The following GDAP1 variants were observed in gnomAD, a reference collection of about 807,000 sequenced individuals.
GDAP1 encodes the protein ganglioside induced differentiation associated protein 1, also known as ganglioside-induced differentiation-associated protein 1.
GDAP1 carries 34 observed loss-of-function variants against 40.1 expected under a neutral mutation model. That is an observed-to-expected ratio of 0.85 (90% CI 0.64 to 1.13). GDAP1 has a LOEUF of 1.13. GDAP1 is among the 50% of genes most tolerant of loss of function. The probability of loss-of-function intolerance (pLI) is 0.00; values close to 1 mark genes in which losing one functional copy is unlikely to be tolerated. For synonymous variants in GDAP1, 170 were observed against 157.4 expected, an observed-to-expected ratio of 1.08 and a Z score of -0.60; for missense variants, 374 against 433.7, an observed-to-expected ratio of 0.86 and a Z score of 1.22.
In GDAP1 at chr8:74,364,358, T is replaced by TTATTTCTAGG. The variant is rs1476947689; in HGVS notation, c.1070_*2dup. 1.2e-6 allele frequency: 2 copies of TTATTTCTAGG among 1,613,532 alleles called. No individual in the cohort carries two copies. Among genetic ancestry groups the TTATTTCTAGG allele is most frequent in the East Asian group, 4.5e-5 (2 of 44,886 alleles). The stretch of plus-strand genomic sequence containing the variant: ...TATTAGCATTTAGACCCAGACCAAA[T>TTATTTCTAGG]TATTTCTAGGTTTGTTGGGATCTTG... On this transcript the variant is annotated stop_gained and frameshift_variant, in exon 6 of 6. Coordinates refer to ENST00000220822, the MANE Select transcript of GDAP1 (RefSeq NM_018972.4). LOFTEE classifies it high-confidence loss of function.
At chr8:74,356,307 A>G (rs911598759) in intron 2 of GDAP1, among the ~76,000 whole-genome samples, 13 of 152,286 alleles carry the variant, frequency 8.5e-5, no homozygotes, top group Middle Eastern at 6.8e-3. Flanking sequence ...CCCTCTTTCT[A>G]TATAATATGT....
At chr8:74,444,934 G>C (rs542011157) in intron 2 of GDAP1, among the ~76,000 whole-genome samples, 6 of 152,246 alleles carry the variant, frequency 3.9e-5, no homozygotes, top group African/African-American at 1.4e-4. Flanking sequence ...GCTATTTTTA[G>C]TCAAAGAAAA....
rs1805831779 is a variant in GDAP1 at position 74,419,692 on chromosome 8, C to T, written c.165+68371C>T. 2.0e-5 allele frequency among the ~76,000 whole-genome samples: 3 copies of T among 151,772 alleles called. 1 individual carries two copies. In the South Asian group the frequency reaches 6.2e-4, roughly 32 times the overall value. On this transcript the variant is annotated intron_variant, in intron 2 of 2. Coordinates refer to the GDAP1 transcript ENST00000523640. ...TGACATTATATTTATTTTTTCTTTT[C>T]TTGCTCATGCTTTTGGTGTCATATC...
intron 2 of GDAP1, among the ~76,000 whole-genome samples, chr8:74,356,718 T>A (rs190884428): frequency 0.29 from 28,134 of 96,360 alleles, 3,665 homozygotes; most frequent in Admixed American, 0.39. Context: ...ATATATATAT[T>A]TTTTTTTTTT....
intron 2 of GDAP1, among the ~76,000 whole-genome samples, chr8:74,372,060 T>C (rs1809763836): frequency 6.6e-6 from 1 of 152,104 alleles, no homozygotes; most frequent in South Asian, 2.1e-4. Flanking sequence ...AGAATGATGG[T>C]TTCCAGCTTC....
chr8:74,394,604 T>A (rs888921518), intron 2 of GDAP1, among the ~76,000 whole-genome samples: 2 of 152,000 alleles, frequency 1.3e-5, no homozygotes, highest in African/African-American at 4.8e-5. Context: ...GAGTTAGTCA[T>A]TTTTTTTAAA....
chr8:74,417,601 A>T (rs1805799363), intron 2 of GDAP1, among the ~76,000 whole-genome samples: 1 of 149,658 alleles, frequency 6.7e-6, no homozygotes, highest in South Asian at 2.1e-4. Flanking sequence ...TACTAAAAAT[A>T]CAAAAATTAG....
At chr8:74,417,473 G>T (rs1805797376) in intron 2 of GDAP1, among the ~76,000 whole-genome samples, 1 of 150,258 alleles carries the variant, frequency 6.7e-6, no homozygotes, top group South Asian at 2.1e-4. Flanking sequence ...ATGATTGTTA[G>T]TGTAGAAAAT....
intron 2 of GDAP1, among the ~76,000 whole-genome samples, chr8:74,461,223 G>T (rs996395726): frequency 1.3e-5 from 2 of 152,184 alleles, no homozygotes; most frequent in Admixed American, 6.5e-5. Flanking sequence ...AGCATGCTGA[G>T]TTAAAAATGG....
At chr8:74,440,386 C>T (rs1206100418) in intron 2 of GDAP1, among the ~76,000 whole-genome samples, 1 of 152,138 alleles carries the variant, frequency 6.6e-6, no homozygotes, top group African/African-American at 2.4e-5. Context: ...CTGTTGTATT[C>T]CTTGCCAGTG....
chr8:74,440,447 G>A (rs1806148902), intron 2 of GDAP1, among the ~76,000 whole-genome samples: 1 of 151,978 alleles, frequency 6.6e-6, no homozygotes. Flanking sequence ...CTCTTCCACC[G>A]TGAGTTCCTG....
intron 2 of GDAP1, among the ~76,000 whole-genome samples, chr8:74,453,162 A>G (rs4625027): frequency 1 from 82,166 of 82,308 alleles, 41,076 homozygotes; most frequent in Non-Finnish European, 1. Context: ...TTTTACCTTT[A>G]GTGAGCAGCA....
downstream of GDAP1, among the ~76,000 whole-genome samples, chr8:74,368,733 G>C (rs1017838099): frequency 2.6e-5 from 4 of 152,254 alleles, no homozygotes; most frequent in African/African-American, 2.4e-5. Context: ...CCATGGCCTG[G>C]AGTAAGGCTT....
chr8:74,475,261 A>AT (rs1162818133), intron 2 of GDAP1, among the ~76,000 whole-genome samples: 13 of 149,158 alleles, frequency 8.7e-5, no homozygotes, highest in East Asian at 4.0e-4. Context: ...TTTTGAATGG[A>AT]TTTTTTTGTG....
intron 2 of GDAP1, among the ~76,000 whole-genome samples, chr8:74,468,801 T>G (rs143473596): frequency 6.6e-6 from 1 of 152,184 alleles, no homozygotes; most frequent in Non-Finnish European, 1.5e-5. Flanking sequence ...TTTGTTCTTA[T>G]ATTCAGTTGC....
rs960240373 is a variant in GDAP1, at chr8:74,417,233, TAGA to T, written c.165+65917_165+65919del. ...TCATGATAAAAACTCTCAGCTTACA[TAGA>T]AGAAAATTTCCTCGACTTGATAAAC... On this transcript the variant is annotated intron_variant, in intron 2 of 2. Coordinates refer to the GDAP1 transcript ENST00000523640. Among the ~76,000 whole-genome samples, 49 of 150,106 alleles carry T rather than the reference TAGA, an allele frequency of 3.3e-4. 5 individuals carry two copies. In the East Asian group the frequency reaches 5.2e-3, roughly 16 times the overall value.
chr8:74,446,341 A>G (rs7011978), intron 2 of GDAP1, among the ~76,000 whole-genome samples: 1,652 of 152,266 alleles, frequency 0.011, 20 homozygotes, highest in African/African-American at 0.038. Context: ...ATTATGATGC[A>G]CGTTTTGCCT....
chr8:74,394,256 A>T (rs1015335495), intron 2 of GDAP1, among the ~76,000 whole-genome samples: 1 of 152,154 alleles, frequency 6.6e-6, no homozygotes, highest in Admixed American at 6.6e-5. Context: ...GAACAGTAGG[A>T]GAAAGACCCA....
chr8:74,422,666 C>T (rs1352141738), intron 2 of GDAP1, among the ~76,000 whole-genome samples: 2 of 151,838 alleles, frequency 1.3e-5, no homozygotes, highest in Admixed American at 6.6e-5. Flanking sequence ...CATTCACCTT[C>T]GAGACATTGA....
Sources: gnomAD v4.1 joint callset for allele counts (sites outside exome capture counted in the v4.1 genomes callset) on GRCh38, gnomAD v4.1.1 for gene constraint, MANE v1.5 for transcripts, NCBI Gene and HGNC (gene_info 2026-07-23, HGNC 2026-07-21) for gene names.